Variants in PRKCH observed in about 807,000 individuals in gnomAD.
PRKCH encodes protein kinase C eta type.
A neutral mutation model predicts 82.5 loss-of-function variants in PRKCH; 28 were observed. The ratio of observed to expected loss-of-function variants is 0.34; its 90% CI spans 0.25 to 0.47. The LOEUF (loss-of-function observed/expected upper bound fraction) is 0.47. PRKCH is among the 20% of genes least tolerant of loss of function. The pLI is 1.00. For synonymous variants in PRKCH, 322 were observed against 327.4 expected, an observed-to-expected ratio of 0.98 and a Z score of 0.18; for missense variants, 705 against 881.8, an observed-to-expected ratio of 0.80 and a Z score of 2.54.
rs1482214419 is a variant in PRKCH, at chr14:61,504,396, G to T, written c.1433+18740G>T. On this transcript the variant is annotated intron_variant, in intron 10 of 13. Coordinates refer to ENST00000332981, the MANE Select transcript of PRKCH (RefSeq NM_006255.5). ...GTAGAGATGGGGTCTCACTATATTG[G>T]CCAGGCAGGTCTTGAACTCCTGAAT... Among the ~76,000 whole-genome samples, 3 of 151,990 alleles carry T rather than the reference G, an allele frequency of 2.0e-5. No individual in the cohort carries two copies. In the South Asian group the frequency reaches 6.2e-4, roughly 32 times the overall value.
At chr14:61,427,884 C>T (rs1229996120) in intron 2 of PRKCH, among the ~76,000 whole-genome samples, 1 of 151,962 alleles carries the variant, frequency 6.6e-6, no homozygotes, top group African/African-American at 2.4e-5. Flanking sequence ...CTTCACCCAG[C>T]TGTTACCTTT....
intron 10 of PRKCH, chr14:61,492,162 T>C (rs11623695): frequency 0.7 from 106,986 of 152,186 alleles, 41,243 homozygotes; most frequent in Middle Eastern, 0.88. Context: ...CTAGGAAGCG[T>C]ATCTTACTTC....
chr14:61,425,420 A>T (rs1011677054), intron 2 of PRKCH, among the ~76,000 whole-genome samples: 22 of 152,288 alleles, frequency 1.4e-4, no homozygotes, highest in African/African-American at 4.8e-4. Flanking sequence ...GTCAAAGGAG[A>T]TCATTTTGGA....
At chr14:61,388,147 CAAAAAAAAAAA>C (rs569642184) in intron 1 of PRKCH, among the ~76,000 whole-genome samples, 2 of 87,922 alleles carry the variant, frequency 2.3e-5, no homozygotes, top group Non-Finnish European at 4.9e-5. Flanking sequence ...GACTCTGTCT[CAAAAAAAAAAA>C]AAAAAAAAAA....
At chr14:61,431,499 C>A (rs942844013) in intron 2 of PRKCH, among the ~76,000 whole-genome samples, 1 of 152,214 alleles carries the variant, frequency 6.6e-6, no homozygotes, top group Non-Finnish European at 1.5e-5. Flanking sequence ...ACCTTATCCT[C>A]TCTGGCCAAA....
intron 4 of PRKCH, among the ~76,000 whole-genome samples, chr14:61,448,654 T>C (rs79279085): frequency 0.041 from 6,179 of 152,224 alleles, 446 homozygotes; most frequent in African/African-American, 0.14. Flanking sequence ...ATTTGGTTAG[T>C]TGATAGGCAA....
At chr14:61,411,514 A>T (rs1435364642) in intron 2 of PRKCH, among the ~76,000 whole-genome samples, 1 of 152,276 alleles carries the variant, frequency 6.6e-6, no homozygotes, top group Non-Finnish European at 1.5e-5. Context: ...TAAATGAAAC[A>T]ATGATTTGTA....
At position 61,445,618 on chromosome 14, in the gene PRKCH, T is replaced by G; in HGVS notation, c.579-74T>G. The G allele has an allele frequency of 5.4e-6, 7 of 1,307,812 alleles. No individual in the cohort carries two copies. The South Asian group carries it at 6.1e-5, about 11-fold the overall frequency. 81.0% of individuals were successfully genotyped at this position (1,307,812 alleles called of 1,614,324 possible). On this transcript the variant is annotated intron_variant, in intron 3 of 13. Coordinates refer to ENST00000332981, the MANE Select transcript of PRKCH (RefSeq NM_006255.5). The stretch of plus-strand genomic sequence containing the variant: ...TTCATAAAGGAGGAGAGGATGAAAT[T>G]TGTTTTCCTTAAGGACTATAAGAGG...
intron 9 of PRKCH, among the ~76,000 whole-genome samples, chr14:61,482,696 C>T (rs965501807): frequency 6.6e-6 from 1 of 152,160 alleles, no homozygotes; most frequent in Admixed American, 6.5e-5. Context: ...GAAACAGGTA[C>T]AGCAGAACCC....
intron 9 of PRKCH, among the ~76,000 whole-genome samples, chr14:61,469,846 A>C (rs1885420269): frequency 6.6e-6 from 1 of 152,134 alleles, no homozygotes; most frequent in African/African-American, 2.4e-5. Flanking sequence ...TCATTCATTC[A>C]GCAGATATGC....
chr14:61,220,615 A>G (rs1033748473), intron 1 of PRKCH, among the ~76,000 whole-genome samples: 2 of 152,174 alleles, frequency 1.3e-5, no homozygotes, highest in African/African-American at 4.8e-5. Flanking sequence ...GGATGGACCA[A>G]CTCCACACAG....
intron 12 of PRKCH, 150 bp from the exon 13 acceptor site, chr14:61,547,593 T>C: frequency 1.1e-6 from 1 of 913,474 alleles, no homozygotes. Context: ...TCATACTGAC[T>C]GTGCTGCCTG....
chr14:61,287,450 C>T (rs531089720), intron 1 of PRKCH, among the ~76,000 whole-genome samples: 6 of 152,038 alleles, frequency 3.9e-5, no homozygotes, highest in African/African-American at 1.4e-4. Flanking sequence ...GTAGCTCACG[C>T]CTGTAATCCC....
chr14:61,323,045 CA>C (rs894502156), intron 1 of PRKCH, among the ~76,000 whole-genome samples: 1 of 152,178 alleles, frequency 6.6e-6, no homozygotes, highest in Admixed American at 6.5e-5. Context: ...AGCATTTTTC[CA>C]AGGAGATGAG....
At chr14:61,249,304 G>A (rs1201855854) in intron 1 of PRKCH, among the ~76,000 whole-genome samples, 1 of 152,066 alleles carries the variant, frequency 6.6e-6, no homozygotes, top group Non-Finnish European at 1.5e-5. Context: ...ATTATGGCTG[G>A]GACACAGCGC....
At chr14:61,472,009 T>C (rs912652622) in intron 9 of PRKCH, among the ~76,000 whole-genome samples, 5 of 152,160 alleles carry the variant, frequency 3.3e-5, no homozygotes, top group Admixed American at 6.5e-5. Context: ...AAAGGCAAAG[T>C]TCCTGTTGGG....
At chr14:61,191,989 A>G (rs2044409527) in intron 1 of PRKCH, among the ~76,000 whole-genome samples, 1 of 151,472 alleles carries the variant, frequency 6.6e-6, no homozygotes. Context: ...TTCAAAGCAT[A>G]TGAAGAATAA....
Position 61,352,775 on chromosome 14 carries a change from T to C in PRKCH, c.363+30311T>C, listed in dbSNP as rs190542701. 1.3e-4 allele frequency among the ~76,000 whole-genome samples: 20 copies of C among 151,784 alleles called. No individual in the cohort carries two copies. In the East Asian group the frequency reaches 2.5e-3, roughly 19 times the overall value. Reference sequence around the variant, plus strand: ...AGATATATTGTTGAGTGAAAAAATATACTAACAGAGAGGCATGCCTGGTAT... The same window carrying C: ...AGATATATTGTTGAGTGAAAAAATACACTAACAGAGAGGCATGCCTGGTAT... On this transcript the variant is annotated intron_variant, in intron 1 of 13. Transcript: ENST00000332981.
intron 1 of PRKCH, among the ~76,000 whole-genome samples, chr14:61,268,328 G>A (rs1311469003): frequency 1.3e-5 from 2 of 152,152 alleles, no homozygotes; most frequent in African/African-American, 4.8e-5. Context: ...ATTGAAGAAT[G>A]GTACCAGCTT....
Sources: allele counts gnomAD v4.1 joint callset (sites outside exome capture counted in the v4.1 genomes callset), GRCh38; gene constraint gnomAD v4.1.1; transcripts MANE v1.5; gene names NCBI Gene and HGNC (gene_info 2026-07-23, HGNC 2026-07-21).